The following TCP11L2 variants were observed in gnomAD, a reference collection of about 807,000 sequenced individuals.
TCP11L2 encodes t-complex 11 like 2.
TCP11L2 carries 39 observed loss-of-function variants against 50.7 expected under a neutral mutation model. The observed-to-expected ratio is 0.77, with a 90% confidence interval of 0.60 to 1.01. TCP11L2 has a LOEUF of 1.01. TCP11L2 is among the 50% of genes least tolerant of loss of function. The pLI is 0.00. For synonymous variants in TCP11L2, 192 were observed against 219.3 expected, an observed-to-expected ratio of 0.88 and a Z score of 1.10; for missense variants, 612 against 614.7, an observed-to-expected ratio of 1.00 and a Z score of 0.05.
intron 6 of TCP11L2, chr12:106,330,113 G>T: frequency 2.0e-6 from 2 of 985,390 alleles, no homozygotes; most frequent in Non-Finnish European, 2.4e-6. Flanking sequence ...TTTGTTTCTA[G>T]TGGGAAACCT....
chr12:106,337,847 A>C (rs2035969723), intron 8 of TCP11L2, among the ~76,000 whole-genome samples: 1 of 152,240 alleles, frequency 6.6e-6, no homozygotes, highest in Non-Finnish European at 1.5e-5. Flanking sequence ...ACTAGTCATT[A>C]AATCATCCTC....
At position 106,319,154 on chromosome 12, in the gene TCP11L2, G is replaced by A. The variant is rs530521748; in HGVS notation, c.414+690G>A. ...TCTCGATCTCCTGACCTCATGATTC[G>A]CCCACCTTGGCCTCCCAGAGTGCTG... On this transcript the variant is annotated intron_variant, in intron 4 of 9. Transcript: ENST00000299045. 5.5e-3 allele frequency among the ~76,000 whole-genome samples: 841 copies of A among 151,790 alleles called. 1 individual carries two copies. Among genetic ancestry groups the A allele is most frequent in the Non-Finnish European group, 8.6e-3 (583 of 67,860 alleles).
At chr12:106,341,536 A>T (rs2036094770) in intron 9 of TCP11L2, among the ~76,000 whole-genome samples, 1 of 152,194 alleles carries the variant, frequency 6.6e-6, no homozygotes, top group African/African-American at 2.4e-5. Context: ...CTGTGACAAG[A>T]ATCTAAACTT....
At chr12:106,323,416 T>G in intron 5 of TCP11L2, 94 bp from the exon 6 acceptor site, 7 of 1,121,400 alleles carry the variant, frequency 6.2e-6, no homozygotes, top group African/African-American at 1.6e-5. Context: ...ATTTTGGGGA[T>G]GTTTATTGTT....
chr12:106,302,432 G>A (rs2034451290), upstream of TCP11L2, among the ~76,000 whole-genome samples: 1 of 125,484 alleles, frequency 8.0e-6, no homozygotes, highest in African/African-American at 3.0e-5. Context: ...ACTCGGCCCC[G>A]CCCCCAGTGC....
chr12:106,306,557 C>T (rs1025281612), intron 1 of TCP11L2, among the ~76,000 whole-genome samples: 1 of 152,144 alleles, frequency 6.6e-6, no homozygotes, highest in African/African-American at 2.4e-5. Context: ...ATAGGATCCA[C>T]TCTAGGATCA....
intron 1 of TCP11L2, among the ~76,000 whole-genome samples, chr12:106,304,557 A>G (rs922680211): frequency 1.3e-5 from 2 of 152,156 alleles, no homozygotes; most frequent in African/African-American, 4.8e-5. Context: ...ATCATCTGCA[A>G]TTTTTTTCTT....
chr12:106,316,847 TTTG>T (rs1177728039), intron 3 of TCP11L2, among the ~76,000 whole-genome samples: 12 of 152,196 alleles, frequency 7.9e-5, no homozygotes, highest in African/African-American at 2.9e-4. Flanking sequence ...AAATGAATTT[TTTG>T]AGATGGAGTC....
intron 9 of TCP11L2, among the ~76,000 whole-genome samples, chr12:106,345,329 G>T (rs1430216830): frequency 6.6e-6 from 1 of 150,936 alleles, no homozygotes; most frequent in African/African-American, 2.4e-5. Flanking sequence ...GGGTACTTTT[G>T]AGAGTCTCTT....
chr12:106,321,517 A>G lies in TCP11L2; in HGVS notation c.446A>G (p.Asn149Ser), dbSNP rs533971528. 40 of 1,614,048 alleles carry G rather than the reference A, an allele frequency of 2.5e-5. No homozygotes were observed. Among genetic ancestry groups the G allele is most frequent in the Non-Finnish European group, 8.5e-6 (10 of 1,180,038 alleles). Residue 149 changes from asparagine to serine, a missense_variant, in exon 5 of 10, where the codon AAC becomes AGC. Coordinates refer to ENST00000299045, the MANE Select transcript of TCP11L2 (RefSeq NM_152772.3). ...ILLSFLTPGGNRLRNQICEVL... is the reference protein window; with the variant it reads ...ILLSFLTPGGSRLRNQICEVL... Reference sequence around the variant, plus strand: ...CTCTCTTTTCTCACTCCCGGTGGCAACCGGCTTCGCAACCAAATCTGTGAA... The same window carrying G: ...CTCTCTTTTCTCACTCCCGGTGGCAGCCGGCTTCGCAACCAAATCTGTGAA...
intron 6 of TCP11L2, chr12:106,324,091 A>G (rs954517043): frequency 3.3e-5 from 5 of 152,256 alleles, no homozygotes; most frequent in African/African-American, 1.2e-4. Context: ...TCTAGTAGGC[A>G]TGACAAATAA....
intron 6 of TCP11L2, 141 bp from the exon 7 acceptor site, chr12:106,335,498 A>G (rs2035884819): frequency 2.7e-6 from 2 of 748,190 alleles, no homozygotes; most frequent in Admixed American, 3.0e-5. Flanking sequence ...CTGCCTTTCC[A>G]TCTGGACTGT....
chr12:106,325,165 G>A (rs982301391), intron 6 of TCP11L2: 4 of 152,206 alleles, frequency 2.6e-5, no homozygotes, highest in African/African-American at 9.6e-5. Context: ...CTGAGGCACT[G>A]TGAGGTTAAG....
At chr12:106,306,306 A>G (rs2034631832) in intron 1 of TCP11L2, among the ~76,000 whole-genome samples, 1 of 152,220 alleles carries the variant, frequency 6.6e-6, no homozygotes, top group South Asian at 2.1e-4. Flanking sequence ...CATGTTGTCT[A>G]CCTTTTTCTC....
chr12:106,309,561 T>C (rs1260189844), intron 1 of TCP11L2, among the ~76,000 whole-genome samples: 3 of 151,958 alleles, frequency 2.0e-5, no homozygotes, highest in African/African-American at 7.3e-5. Flanking sequence ...CTCATCCTTG[T>C]CCCCATCACC....
Position 106,340,909 on chromosome 12 carries a change from T to C in TCP11L2, c.1226T>C (p.Leu409Ser), listed in dbSNP as rs1012485350. 1.2e-6 allele frequency: 2 copies of C among 1,613,332 alleles called. No individual in the cohort carries two copies. The highest frequency in any genetic ancestry group is 1.7e-6 in the Non-Finnish European group (2 of 1,179,526). The change falls in exon 9 of 10, where the codon TTA becomes TCA. Residue 409 changes from leucine (L) to serine (S), a missense_variant. Transcript: ENST00000299045. ...AACAAGACCCTGATGGAAAGAGGTTTACCCACTTTAAATGCTGAGATTCAA... is the reference window on the plus strand; with the variant it reads ...AACAAGACCCTGATGGAAAGAGGTTCACCCACTTTAAATGCTGAGATTCAA... ...EVNKTLMERG[L>S]PTLNAEIQAN...
At chr12:106,323,424 G>T (rs760210066) in intron 5 of TCP11L2, 86 bp from the exon 6 acceptor site, 131 of 1,249,278 alleles carry the variant, frequency 1.0e-4, no homozygotes, top group Non-Finnish European at 1.3e-4. Context: ...GATGTTTATT[G>T]TTTTCAGCCT....
intron 2 of TCP11L2, chr12:106,312,241 T>G (rs2034883020): frequency 2.4e-6 from 1 of 419,374 alleles, no homozygotes; most frequent in Admixed American, 3.2e-5. Flanking sequence ...GATTAATCAC[T>G]GGACATTTAG....
chr12:106,324,327 A>G (rs1332121720), intron 6 of TCP11L2: 1 of 152,234 alleles, frequency 6.6e-6, no homozygotes, highest in Non-Finnish European at 1.5e-5. Context: ...AAAGGCACTG[A>G]AGCAGAAACT....
Sources: allele counts gnomAD v4.1 joint callset (sites outside exome capture counted in the v4.1 genomes callset), GRCh38; gene constraint gnomAD v4.1.1; transcripts MANE v1.5; gene names NCBI Gene and HGNC (gene_info 2026-07-23, HGNC 2026-07-21).